The following SDK1 variants were observed in gnomAD, a reference collection of about 807,000 sequenced individuals.
The protein encoded by SDK1 is sidekick cell adhesion molecule 1.
A neutral mutation model predicts 245.5 loss-of-function variants in SDK1; 157 were observed. The ratio of observed to expected loss-of-function variants is 0.64; its 90% CI spans 0.56 to 0.73. SDK1 has a LOEUF of 0.73. SDK1 is among the 30% of genes least tolerant of loss of function. The pLI, the probability that SDK1 is intolerant of heterozygous loss-of-function variation, is 0.00. For missense variants in SDK1, 3,583 were observed against 3,002.3 expected (o/e 1.19, Z -4.52); for synonymous variants, 1,647 against 1,278.5 (o/e 1.29, Z -6.15).
At chr7:3,433,380 G>A (rs772817479) in intron 1 of SDK1, among the ~76,000 whole-genome samples, 1 of 152,180 alleles carries the variant, frequency 6.6e-6, no homozygotes, top group Non-Finnish European at 1.5e-5. Flanking sequence ...TTTATTTCCA[G>A]TAGTATTTTA....
At chr7:4,115,165 C>T (rs933234810) in intron 25 of SDK1, among the ~76,000 whole-genome samples, 14 of 152,148 alleles carry the variant, frequency 9.2e-5, no homozygotes, top group African/African-American at 2.2e-4. Flanking sequence ...CACCTGACCC[C>T]GGTCCCTTCA....
chr7:4,262,723 C>G (rs1188100050), intron 44 of SDK1, among the ~76,000 whole-genome samples: 1 of 131,630 alleles, frequency 7.6e-6, no homozygotes, highest in African/African-American at 2.9e-5. Flanking sequence ...CCCATCCCCT[C>G]CCTTCTACTT....
At chr7:3,801,198 T>G (rs181433691) in intron 4 of SDK1, among the ~76,000 whole-genome samples, 1 of 152,220 alleles carries the variant, frequency 6.6e-6, no homozygotes, top group South Asian at 2.1e-4. Flanking sequence ...AGCTATTTCA[T>G]ATAACTGGGT....
Position 4,106,460 on chromosome 7 carries a change from C to T in SDK1, c.3325-4203C>T, listed in dbSNP as rs1045967421. On this transcript the variant is annotated intron_variant, in intron 22 of 44. Transcript: ENST00000404826. ...CTGGGTCTACAGGCACCCACCACCA[C>T]GCCTTTTTTGTATTTTTAGGAAAGA... Among the ~76,000 whole-genome samples, 24 of 152,030 alleles carry T rather than the reference C, an allele frequency of 1.6e-4. 1 individual carries two copies. Among genetic ancestry groups the T allele is most frequent in the Non-Finnish European group, 3.1e-4 (21 of 68,012 alleles).
intron 1 of SDK1, among the ~76,000 whole-genome samples, chr7:3,527,143 T>A (rs947462612): frequency 2.6e-5 from 4 of 152,216 alleles, no homozygotes; most frequent in Admixed American, 1.3e-4. Context: ...TATAAAATGT[T>A]TTATATACAC....
At chr7:4,216,515 A>G (rs1294621317) in intron 38 of SDK1, among the ~76,000 whole-genome samples, 1 of 152,262 alleles carries the variant, frequency 6.6e-6, no homozygotes, top group African/African-American at 2.4e-5. Flanking sequence ...AAAAGCGGTA[A>G]CTGGACCTCC....
intron 4 of SDK1, among the ~76,000 whole-genome samples, chr7:3,819,784 A>G (rs944547440): frequency 6.6e-6 from 1 of 152,182 alleles, no homozygotes; most frequent in Non-Finnish European, 1.5e-5. Context: ...CTGAATAAGC[A>G]ATAACTTCTT....
At chr7:3,601,783 C>T (rs920828787) in intron 1 of SDK1, among the ~76,000 whole-genome samples, 5 of 150,838 alleles carry the variant, frequency 3.3e-5, no homozygotes, top group South Asian at 4.2e-4. Flanking sequence ...CCCATTAACT[C>T]GTCATTTAGC....
intron 4 of SDK1, among the ~76,000 whole-genome samples, chr7:3,765,609 T>A (rs1315818210): frequency 6.6e-6 from 1 of 152,236 alleles, no homozygotes; most frequent in African/African-American, 2.4e-5. Context: ...TCTTCTACTA[T>A]TTCTACATCC....
At chr7:3,971,114 A>G (rs1782457210) in intron 11 of SDK1, among the ~76,000 whole-genome samples, 1 of 152,228 alleles carries the variant, frequency 6.6e-6, no homozygotes, top group South Asian at 2.1e-4. Context: ...TGCAGACGCT[A>G]GAAATGACTA....
At chr7:3,764,483 C>T (rs1583390107) in intron 4 of SDK1, among the ~76,000 whole-genome samples, 1 of 152,002 alleles carries the variant, frequency 6.6e-6, no homozygotes, top group African/African-American at 2.4e-5. Context: ...CTCAGGAGTT[C>T]GAGACCAGCC....
chr7:4,156,520 C>G (rs1455254246), intron 30 of SDK1, among the ~76,000 whole-genome samples: 1 of 152,066 alleles, frequency 6.6e-6, no homozygotes, highest in Non-Finnish European at 1.5e-5. Context: ...CTGGGAAGTA[C>G]CAAGACCAGA....
rs1356271587 is a variant in SDK1, at chr7:3,759,304, C to G, written c.714-62146C>G. ...AAGTGGGAATGTTTAATAGGGAATG[C>G]TCATGTTGGTGGCTATTGAATCATA... On this transcript the variant is annotated intron_variant, in intron 4 of 44. Coordinates refer to ENST00000404826, the MANE Select transcript of SDK1 (RefSeq NM_152744.4). Among the ~76,000 whole-genome samples the G allele has an allele frequency of 3.9e-5, 6 of 152,114 alleles. No homozygotes were observed. The East Asian group carries it at 1.2e-3, about 29-fold the overall frequency.
chr7:3,840,848 A>G (rs890674295), intron 5 of SDK1, among the ~76,000 whole-genome samples: 6 of 152,170 alleles, frequency 3.9e-5, no homozygotes, highest in African/African-American at 1.2e-4. Context: ...AGGGATCGGG[A>G]CCTCTGGGAG....
chr7:3,498,290 G>C (rs1477051943), intron 1 of SDK1, among the ~76,000 whole-genome samples: 1 of 152,116 alleles, frequency 6.6e-6, no homozygotes, highest in Non-Finnish European at 1.5e-5. Flanking sequence ...GATTTTGCTA[G>C]AGTTTAAAAC....
intron 1 of SDK1, among the ~76,000 whole-genome samples, chr7:3,304,284 G>A (rs916349791): frequency 1.4e-4 from 21 of 152,210 alleles, no homozygotes; most frequent in African/African-American, 5.1e-4. Context: ...AAAAAGCCAA[G>A]TCTTTAATTC....
intron 19 of SDK1, among the ~76,000 whole-genome samples, chr7:4,053,784 T>C (rs1779031237): frequency 6.6e-6 from 1 of 152,176 alleles, no homozygotes; most frequent in East Asian, 1.9e-4. Context: ...ACAAAAAAGA[T>C]GAAATGAAAA....
intron 5 of SDK1, among the ~76,000 whole-genome samples, chr7:3,927,217 G>T (rs1779803978): frequency 6.6e-6 from 1 of 152,286 alleles, no homozygotes; most frequent in Non-Finnish European, 1.5e-5. Flanking sequence ...GAACGTGCTG[G>T]TATTCCAGAA....
chr7:4,177,657 G>T (rs966116091), intron 34 of SDK1, among the ~76,000 whole-genome samples: 3 of 152,218 alleles, frequency 2.0e-5, no homozygotes, highest in Admixed American at 1.3e-4. Flanking sequence ...TTGACACCAG[G>T]GGTGGGTTTT....
Sources: gnomAD v4.1 joint callset for allele counts (sites outside exome capture counted in the v4.1 genomes callset) on GRCh38, gnomAD v4.1.1 for gene constraint, MANE v1.5 for transcripts, NCBI Gene and HGNC (gene_info 2026-07-23, HGNC 2026-07-21) for gene names.